The following PPM1B variants were observed in gnomAD, a reference collection of about 807,000 sequenced individuals.
PPM1B encodes the protein protein phosphatase 1B.
Under a neutral mutation model 43.0 loss-of-function variants are expected in PPM1B, and 22 were observed. The observed-to-expected ratio is 0.51, with a 90% confidence interval of 0.37 to 0.73. The LOEUF (loss-of-function observed/expected upper bound fraction) is 0.73, where lower values mean the gene tolerates loss of function less well. Ranked by LOEUF, PPM1B falls within the 30% of genes least tolerant of loss-of-function variation. The probability of loss-of-function intolerance (pLI) is 0.00; values close to 1 mark genes in which losing one functional copy is unlikely to be tolerated. For missense variants in PPM1B, 632 were observed against 584.2 expected, an observed-to-expected ratio of 1.08 and a Z score of -0.84; for synonymous variants, 217 against 197.9, an observed-to-expected ratio of 1.10 and a Z score of -0.81.
intron 1 of PPM1B, among the ~76,000 whole-genome samples, chr2:44,180,172 T>C (rs1667802037): frequency 6.6e-6 from 1 of 152,180 alleles, no homozygotes; most frequent in Non-Finnish European, 1.5e-5. Flanking sequence ...AACAATCCTT[T>C]GTATGTATTT....
At chr2:44,210,103 G>T (rs886298146) in intron 3 of PPM1B, among the ~76,000 whole-genome samples, 2 of 151,908 alleles carry the variant, frequency 1.3e-5, no homozygotes, top group Non-Finnish European at 2.9e-5. Context: ...CCCTTTTCGG[G>T]TTAATTATCA....
intron 2 of PPM1B, among the ~76,000 whole-genome samples, chr2:44,207,501 C>A (rs549475146): frequency 8.5e-5 from 13 of 152,208 alleles, no homozygotes; most frequent in Middle Eastern, 3.4e-3. Flanking sequence ...AAGTAATATA[C>A]CTTTAGAAAA....
At chr2:44,208,784 T>A (rs1669314054) in intron 2 of PPM1B, among the ~76,000 whole-genome samples, 2 of 152,226 alleles carry the variant, frequency 1.3e-5, no homozygotes, top group Admixed American at 6.5e-5. Context: ...TTCAGCTATG[T>A]TAAATTCATG....
rs536259974 is a variant in PPM1B at position 44,241,160 on chromosome 2, C to A, written n.1547-3068C>A. On this transcript the variant is annotated intron_variant and non_coding_transcript_variant, in intron 5 of 5. Coordinates refer to the PPM1B transcript ENST00000378540. The stretch of plus-strand genomic sequence containing the variant: ...CTGGGATTACAGGAATGCGTCACCA[C>A]GCCCGGCTGATTTTGTATTTTCAGT... Among the ~76,000 whole-genome samples the A allele has an allele frequency of 1.4e-5, 2 of 143,478 alleles. 1 individual carries two copies. The highest frequency in any genetic ancestry group is 3.1e-5 in the Non-Finnish European group (2 of 64,432). The allele number at this position is 143,478 out of a possible 152,430, so 94.1% of individuals were successfully genotyped here. A position where few individuals can be genotyped will look rare whatever the true frequency, so the allele number is the denominator to read the frequency against.
intron 5 of PPM1B, among the ~76,000 whole-genome samples, chr2:44,240,537 A>T (rs1308187254): frequency 6.9e-6 from 1 of 144,458 alleles, no homozygotes; most frequent in African/African-American, 2.5e-5. Flanking sequence ...ATTTTGCATT[A>T]GTTTTGACTT....
At chr2:44,229,897 AAG>A (rs1670392926) in intron 5 of PPM1B, 2 of 1,163,890 alleles carry the variant, frequency 1.7e-6, no homozygotes, top group South Asian at 1.7e-5. Flanking sequence ...TAAGAGCAAA[AAG>A]TAAATACAAT....
chr2:44,232,360 T>C (rs756816914), downstream of PPM1B: 1 of 1,605,010 alleles, frequency 6.2e-7, no homozygotes, highest in Admixed American at 1.7e-5. Context: ...AAAAACCTTC[T>C]AAAATGCTTT....
intron 5 of PPM1B, among the ~76,000 whole-genome samples, chr2:44,243,024 G>GA (rs960735280): frequency 6.6e-6 from 1 of 151,830 alleles, no homozygotes; most frequent in African/African-American, 2.4e-5. Flanking sequence ...CCTAATTTTT[G>GA]AAAAAAACAC....
rs58530902 is a variant in PPM1B, at chr2:44,223,814, TAAAAAAAAAAAAAA to T, written c.1134+5294_1134+5307del. 1.6e-3 allele frequency among the ~76,000 whole-genome samples: 56 copies of T among 36,060 alleles called. 2 individuals carry two copies. The highest frequency in any genetic ancestry group is 1.9e-3 in the Non-Finnish European group (39 of 20,634). 23.7% of individuals were successfully genotyped at this position (36,060 alleles called of 152,430 possible). A position where few individuals can be genotyped will look rare whatever the true frequency, so the allele number is the denominator to read the frequency against. On this transcript the variant is annotated intron_variant, in intron 5 of 5. Transcript: ENST00000282412. ...CTGGGCAACAGAGTGGGACTCTGTC[TAAAAAAAAAAAAAA>T]AAAAAAAAAAAAAAAAGAGAGAGAG...
chr2:44,246,357 G>A (rs1394427407), downstream of PPM1B, among the ~76,000 whole-genome samples: 2 of 152,110 alleles, frequency 1.3e-5, no homozygotes, highest in Non-Finnish European at 2.9e-5. Context: ...TTCCTATTAA[G>A]TTTTCTTGGG....
chr2:44,207,282 A>G (rs1029976626), intron 2 of PPM1B, among the ~76,000 whole-genome samples: 3 of 152,212 alleles, frequency 2.0e-5, no homozygotes, highest in Non-Finnish European at 2.9e-5. Flanking sequence ...ATGCCTGCCT[A>G]GATTCTAGTC....
At position 44,191,245 on chromosome 2, in the gene PPM1B, G is replaced by A. The variant is rs189996872; in HGVS notation, c.-14-9941G>A. ...TTTTGTTTTTTTGACACGGAGTCTC[G>A]TTCTGTTGCCCAGGCTGGAGTGCAG... On this transcript the variant is annotated intron_variant, in intron 1 of 5. Coordinates refer to ENST00000282412, the MANE Select transcript of PPM1B (RefSeq NM_002706.6). 3.7e-3 allele frequency among the ~76,000 whole-genome samples: 570 copies of A among 152,080 alleles called. 3 individuals carry two copies. The highest frequency in any genetic ancestry group is 0.013 in the African/African-American group (549 of 41,462).
chr2:44,178,780 G>A (rs1230470974), intron 1 of PPM1B, among the ~76,000 whole-genome samples: 1 of 151,916 alleles, frequency 6.6e-6, no homozygotes, highest in African/African-American at 2.4e-5. Flanking sequence ...AAAAGTTTCT[G>A]TTGTTTTAAT....
At chr2:44,207,974 C>A (rs551205866) in intron 2 of PPM1B, among the ~76,000 whole-genome samples, 10 of 150,604 alleles carry the variant, frequency 6.6e-5, no homozygotes, top group Middle Eastern at 3.4e-3. Context: ...CTGCAACCTC[C>A]ACCTCCCGGG....
At position 44,230,505 on chromosome 2, in the gene PPM1B, A is replaced by G. The variant is rs755063001; in HGVS notation, c.1227A>G (p.Gln409=). Residue 409 remains glutamine, a synonymous_variant, in exon 6 of 6, where the codon CAA becomes CAG. Transcript: ENST00000282412. ...MRINHRGNYR[Q]LLEEMLTSYR... is the part of the protein sequence containing the mutation. The stretch of plus-strand genomic sequence containing the variant: ...TTAATCATAGGGGAAACTACCGACA[A>G]CTTCTGGAGGAGATGCTGACTAGTT... 1.2e-5 allele frequency: 19 copies of G among 1,614,024 alleles called. No homozygotes were observed. The highest frequency in any genetic ancestry group is 1.6e-5 in the Non-Finnish European group (19 of 1,180,030).
intron 3 of PPM1B, among the ~76,000 whole-genome samples, chr2:44,217,259 C>T (rs934354449): frequency 2.0e-5 from 3 of 150,946 alleles, no homozygotes; most frequent in Non-Finnish European, 4.4e-5. Context: ...ATTAGCCAGG[C>T]ATGGTAGCAC....
downstream of PPM1B, chr2:44,233,445 G>T (rs1451718349): frequency 1.0e-6 from 1 of 983,158 alleles, no homozygotes; most frequent in South Asian, 4.7e-5. Context: ...TCTGAGTTTT[G>T]CATGTATTAA....
At chr2:44,216,934 AG>A (rs1221731846) in intron 3 of PPM1B, among the ~76,000 whole-genome samples, 1 of 151,012 alleles carries the variant, frequency 6.6e-6, no homozygotes, top group Non-Finnish European at 1.5e-5. Context: ...CACCATACAG[AG>A]GGGTTGGATT....
intron 1 of PPM1B, among the ~76,000 whole-genome samples, chr2:44,177,640 G>A (rs994270076): frequency 6.6e-6 from 1 of 150,908 alleles, no homozygotes; most frequent in African/African-American, 2.4e-5. Context: ...GGCTGGTCTC[G>A]AACTCCTGAC....
Sources: gnomAD v4.1 joint callset for allele counts (sites outside exome capture counted in the v4.1 genomes callset) on GRCh38, gnomAD v4.1.1 for gene constraint, MANE v1.5 for transcripts, NCBI Gene and HGNC (gene_info 2026-07-23, HGNC 2026-07-21) for gene names.